ADAMTSL1: variants seen among roughly 807,000 people sequenced by gnomAD.
ADAMTSL1 encodes the protein ADAMTS-like protein 1.
A neutral mutation model predicts 201.8 loss-of-function variants in ADAMTSL1; 126 were observed. The observed-to-expected ratio is 0.62, with a 90% CI of 0.54 to 0.72. ADAMTSL1 has a LOEUF of 0.72. Ranked by LOEUF, ADAMTSL1 falls within the 30% of genes least tolerant of loss-of-function variation. ADAMTSL1 has a pLI of 0.00. For missense variants in ADAMTSL1, 2,679 were observed against 2,277.8 expected, an observed-to-expected ratio of 1.18 and a Z score of -3.59; for synonymous variants, 1,121 against 903.4, an observed-to-expected ratio of 1.24 and a Z score of -4.32.
chr9:18,574,612 TG>T, intron 4 of ADAMTSL1: 1 of 417,278 alleles, frequency 2.4e-6, no homozygotes. Context: ...TGTGTGTGTG[TG>T]TGTGTATTTA....
intron 1 of ADAMTSL1, among the ~76,000 whole-genome samples, chr9:17,939,351 G>A (rs1827139320): frequency 6.7e-6 from 1 of 148,222 alleles, no homozygotes; most frequent in Non-Finnish European, 1.5e-5. Context: ...GGATTTTTTT[G>A]TTCTATTCAA....
chr9:17,969,496 T>C (rs897589898), intron 1 of ADAMTSL1, among the ~76,000 whole-genome samples: 1 of 152,098 alleles, frequency 6.6e-6, no homozygotes, highest in Non-Finnish European at 1.5e-5. Context: ...CCACACCCTT[T>C]GGAAGGAGTT....
At chr9:18,828,393 C>T (rs1824732348) in intron 22 of ADAMTSL1, among the ~76,000 whole-genome samples, 1 of 151,852 alleles carries the variant, frequency 6.6e-6, no homozygotes, top group South Asian at 2.1e-4. Context: ...GCACAGCTTT[C>T]ATGAGTTTCA....
At chr9:18,036,486 AT>A (rs577705271) in intron 1 of ADAMTSL1, among the ~76,000 whole-genome samples, 96 of 152,124 alleles carry the variant, frequency 6.3e-4, no homozygotes, top group Non-Finnish European at 5.1e-4. Flanking sequence ...TCACATCTTT[AT>A]TTTTAGCATT....
rs570130292 is a variant in ADAMTSL1, at chr9:18,277,563, G to C, written c.207+113582G>C. ...TGTTTGTGATAGTTTTTAACTTAAA[G>C]CCTATTTTGTCTCATGTAAGTTTAG... On this transcript the variant is annotated intron_variant, in intron 2 of 29. Coordinates refer to the ADAMTSL1 transcript ENST00000680146. Among the ~76,000 whole-genome samples, 8 of 152,110 alleles carry C rather than the reference G, an allele frequency of 5.3e-5. 1 individual carries two copies. The South Asian group carries it at 1.7e-3, about 32-fold the overall frequency.
chr9:18,784,139 C>T (rs1338698552), intron 19 of ADAMTSL1, among the ~76,000 whole-genome samples: 1 of 152,190 alleles, frequency 6.6e-6, no homozygotes, highest in Non-Finnish European at 1.5e-5. Context: ...TTCTGACCCA[C>T]TTTGTCTGGC....
chr9:18,176,007 C>CAAAAAAA (rs57982328), intron 2 of ADAMTSL1, among the ~76,000 whole-genome samples: 2 of 62,578 alleles, frequency 3.2e-5, no homozygotes, highest in African/African-American at 1.4e-4. Flanking sequence ...AGAGGGAAAG[C>CAAAAAAA]AAAAAAAAAA....
intron 1 of ADAMTSL1, among the ~76,000 whole-genome samples, chr9:17,940,805 C>CCCCA (rs1554667536): frequency 1.8e-5 from 1 of 56,592 alleles, no homozygotes. Flanking sequence ...AAATAACACC[C>CCCCA]CCCCCCCAAA....
At chr9:18,384,235 C>T (rs879376202) in intron 2 of ADAMTSL1, among the ~76,000 whole-genome samples, 1 of 152,034 alleles carries the variant, frequency 6.6e-6, no homozygotes, top group African/African-American at 2.4e-5. Context: ...CAGGCACTAT[C>T]CTCACATGGC....
chr9:18,032,051 C>T (rs1820982223), intron 1 of ADAMTSL1, among the ~76,000 whole-genome samples: 1 of 152,188 alleles, frequency 6.6e-6, no homozygotes, highest in Non-Finnish European at 1.5e-5. Context: ...AGGAGCAGGC[C>T]CGCCCAGCTA....
At chr9:18,174,129 G>A (rs1828032235) in intron 2 of ADAMTSL1, among the ~76,000 whole-genome samples, 1 of 152,090 alleles carries the variant, frequency 6.6e-6, no homozygotes, top group South Asian at 2.1e-4. Context: ...ACCACTTGAG[G>A]CACCAAAGAA....
intron 1 of ADAMTSL1, among the ~76,000 whole-genome samples, chr9:17,965,612 A>G (rs908566671): frequency 1.3e-5 from 2 of 152,220 alleles, no homozygotes; most frequent in South Asian, 4.1e-4. Flanking sequence ...ATCCTTAAAG[A>G]AAGTTCCATC....
rs191236507 is a variant in ADAMTSL1, at chr9:18,227,566, C to G, written c.207+63585C>G. Among the ~76,000 whole-genome samples, 6 of 152,310 alleles carry G rather than the reference C, an allele frequency of 3.9e-5. No individual in the cohort carries two copies. The South Asian group carries it at 6.2e-4, about 16-fold the overall frequency. ...CTAGCTTACATACATCTAGGCCCCA[C>G]TCTATGCAAGATGGCCATTTGTCCC... is the stretch of plus-strand genomic sequence containing the variant. On this transcript the variant is annotated intron_variant, in intron 2 of 29. Transcript: ENST00000680146.
Position 18,659,795 on chromosome 9 carries a change from C to T in ADAMTSL1, c.946+2045C>T, listed in dbSNP as rs536124848. On this transcript the variant is annotated intron_variant, in intron 8 of 28. Coordinates refer to ENST00000380548, the MANE Select transcript of ADAMTSL1 (RefSeq NM_001040272.6). The stretch of plus-strand genomic sequence containing the variant: ...AAAAGAAGAAAGAAAGAAGGAAAAT[C>T]GCTTTGTTTAAAAATGAACTGTCAA... Among the ~76,000 whole-genome samples, 5 of 151,996 alleles carry T rather than the reference C, an allele frequency of 3.3e-5. No homozygotes were observed. The East Asian group carries it at 9.7e-4, about 29-fold the overall frequency.
At chr9:18,683,349 G>A (rs942059250) in intron 12 of ADAMTSL1, among the ~76,000 whole-genome samples, 13 of 150,976 alleles carry the variant, frequency 8.6e-5, no homozygotes, top group African/African-American at 2.4e-4. Flanking sequence ...TTCAGCCTCC[G>A]GAGTAACTGG....
intron 1 of ADAMTSL1, among the ~76,000 whole-genome samples, chr9:18,124,077 G>GTTTTTTTTTT (rs1157492042): frequency 5.6e-5 from 4 of 70,816 alleles, no homozygotes; most frequent in South Asian, 6.5e-4. Flanking sequence ...TTATTTGCCA[G>GTTTTTTTTTT]TTTTTTTTTT....
chr9:18,429,280 C>T (rs7848193), intron 2 of ADAMTSL1, among the ~76,000 whole-genome samples: 7,235 of 152,122 alleles, frequency 0.048, 548 homozygotes, highest in African/African-American at 0.16. Context: ...GACTTCATAA[C>T]TTTTATAGTT....
chr9:18,132,893 T>C (rs919671758), intron 1 of ADAMTSL1, among the ~76,000 whole-genome samples: 9 of 152,166 alleles, frequency 5.9e-5, no homozygotes, highest in South Asian at 2.1e-4. Flanking sequence ...TCCTCTGAGA[T>C]TCATCTTGTT....
intron 2 of ADAMTSL1, among the ~76,000 whole-genome samples, chr9:18,354,724 T>A (rs548338935): frequency 6.6e-6 from 1 of 152,226 alleles, no homozygotes; most frequent in Non-Finnish European, 1.5e-5. Flanking sequence ...TCCCAGCACT[T>A]TGGAAGGCTG....
Sources: gnomAD v4.1 joint callset for allele counts (sites outside exome capture counted in the v4.1 genomes callset) on GRCh38, gnomAD v4.1.1 for gene constraint, MANE v1.5 for transcripts, NCBI Gene and HGNC (gene_info 2026-07-23, HGNC 2026-07-21) for gene names.